The following GALNT2 variants were observed in gnomAD, a reference collection of about 807,000 sequenced individuals.
GALNT2 encodes the protein polypeptide N-acetylgalactosaminyltransferase 2.
GALNT2 carries 31 observed loss-of-function variants against 81.4 expected under a neutral mutation model. That is an observed-to-expected ratio of 0.38 (90% confidence interval 0.29 to 0.51). The LOEUF is 0.51. GALNT2 is among the 20% of genes least tolerant of loss of function. The probability of loss-of-function intolerance (pLI) is 0.87; values close to 1 mark genes in which losing one functional copy is unlikely to be tolerated. For missense variants in GALNT2, 629 were observed against 765.7 expected (o/e 0.82, Z 2.11); for synonymous variants, 303 against 287.4 (o/e 1.05, Z -0.55).
At chr1:230,247,391 C>T (rs1281519252) in intron 8 of GALNT2, among the ~76,000 whole-genome samples, 1 of 152,206 alleles carries the variant, frequency 6.6e-6, no homozygotes, top group African/African-American at 2.4e-5. Flanking sequence ...CTCAGCTTCC[C>T]CCTCTGGGAA....
At chr1:230,258,810 T>C (rs1385822236) in intron 11 of GALNT2, 1 of 152,214 alleles carries the variant, frequency 6.6e-6, no homozygotes, top group East Asian at 1.9e-4. Flanking sequence ...CATGAGATTC[T>C]TTATATAGAC....
intron 12 of GALNT2, 122 bp from the exon 13 acceptor site, chr1:230,262,800 T>C: frequency 7.8e-7 from 1 of 1,283,440 alleles, no homozygotes; most frequent in South Asian, 1.2e-5. Flanking sequence ...CACAGGAGCA[T>C]GGGCAGTCCA....
chr1:230,091,273 AC>A (rs977696474), intron 1 of GALNT2, among the ~76,000 whole-genome samples: 9 of 150,572 alleles, frequency 6.0e-5, no homozygotes, highest in Non-Finnish European at 1.3e-4. Context: ...ACAGGGTTTC[AC>A]CGTGTTGGCC....
At chr1:230,097,139 C>A (rs1418381931) in intron 1 of GALNT2, among the ~76,000 whole-genome samples, 2 of 152,202 alleles carry the variant, frequency 1.3e-5, no homozygotes, top group Non-Finnish European at 2.9e-5. Context: ...TTTAATAAAA[C>A]TGTCAATCCA....
intron 1 of GALNT2, among the ~76,000 whole-genome samples, chr1:230,118,748 A>G (rs563875541): frequency 1.7e-4 from 25 of 150,714 alleles, no homozygotes; most frequent in Non-Finnish European, 3.3e-4. Context: ...TCCGGCCTTC[A>G]TGCCCTGTAA....
At chr1:230,246,779 C>T (rs931103724) in intron 8 of GALNT2, among the ~76,000 whole-genome samples, 2 of 152,098 alleles carry the variant, frequency 1.3e-5, no homozygotes, top group Non-Finnish European at 2.9e-5. Flanking sequence ...ATGTCCTCAC[C>T]GCACCCACCC....
Position 230,243,428 on chromosome 1 carries a change from G to A in GALNT2, c.729+1G>A. The A allele has an allele frequency of 1.2e-6, 2 of 1,610,948 alleles. No individual in the cohort carries two copies. The highest frequency in any genetic ancestry group is 8.5e-7 in the Non-Finnish European group (1 of 1,179,742). On this transcript the variant is annotated splice_donor_variant, in intron 7 of 15. Coordinates refer to ENST00000366672, the MANE Select transcript of GALNT2 (RefSeq NM_004481.5). LOFTEE classifies it high-confidence loss of function. This position sits in a 1 kb window ranked among gnomAD's most constrained non-coding sequence, Gnocchi z 4.2. Reference sequence around the variant, plus strand: ...GCCCCTCCTGGAAAGGGTGGCGGAGGTGAGATGACGGGGGCTGGGAGGGGT... The same window carrying A: ...GCCCCTCCTGGAAAGGGTGGCGGAGATGAGATGACGGGGGCTGGGAGGGGT...
intron 1 of GALNT2, among the ~76,000 whole-genome samples, chr1:230,135,941 C>T (rs10779827): frequency 0.52 from 79,422 of 151,698 alleles, 21,127 homozygotes; most frequent in African/African-American, 0.61. Context: ...GAGCTCCCCA[C>T]CTCCGCCTCC....
At chr1:230,266,264 C>CA (rs1666034902) in intron 14 of GALNT2, among the ~76,000 whole-genome samples, 1 of 152,160 alleles carries the variant, frequency 6.6e-6, no homozygotes, top group Non-Finnish European at 1.5e-5. Flanking sequence ...AAAGGAGAGA[C>CA]AAAATGAAGG....
intron 2 of GALNT2, among the ~76,000 whole-genome samples, chr1:230,202,574 A>G (rs773481979): frequency 5.9e-5 from 9 of 152,210 alleles, no homozygotes; most frequent in Non-Finnish European, 8.8e-5. Context: ...TGAGAGCCAC[A>G]TCCTTCACTT....
rs908414543 is a variant in GALNT2, at chr1:230,281,465, A to C, written c.*2007A>C. The C allele has an allele frequency of 6.6e-6, 1 of 151,982 alleles. No individual in the cohort carries two copies. Among genetic ancestry groups the C allele is most frequent in the Non-Finnish European group, 1.5e-5 (1 of 68,070 alleles). 9.4% of individuals were successfully genotyped at this position (151,982 alleles called of 1,614,324 possible). On this transcript the variant is annotated 3_prime_UTR_variant, in exon 16 of 16. Coordinates refer to ENST00000366672, the MANE Select transcript of GALNT2 (RefSeq NM_004481.5). Reference sequence around the variant, plus strand: ...AGGGTGTGCGTAGCCCCCAGCACCCAGGTTCTTCTGTCAGACCCTGTGACC... The same window carrying C: ...AGGGTGTGCGTAGCCCCCAGCACCCCGGTTCTTCTGTCAGACCCTGTGACC...
intron 1 of GALNT2, among the ~76,000 whole-genome samples, chr1:230,138,398 G>A (rs1267799638): frequency 1.3e-5 from 2 of 152,150 alleles, no homozygotes; most frequent in South Asian, 4.1e-4. Context: ...GGTGGTGCGT[G>A]CCTGTAATCC....
At chr1:230,141,130 C>T (rs1259410248) in intron 1 of GALNT2, among the ~76,000 whole-genome samples, 1 of 152,100 alleles carries the variant, frequency 6.6e-6, no homozygotes, top group African/African-American at 2.4e-5. Context: ...TTGGATCACC[C>T]CACAGGAGAT....
intron 1 of GALNT2, among the ~76,000 whole-genome samples, chr1:230,140,917 G>A (rs1661709973): frequency 6.6e-6 from 1 of 152,234 alleles, no homozygotes; most frequent in African/African-American, 2.4e-5. Flanking sequence ...GTGTGGAAGG[G>A]AAGATACGTA....
intron 1 of GALNT2, among the ~76,000 whole-genome samples, chr1:230,109,933 C>T (rs1019206217): frequency 2.6e-5 from 4 of 152,186 alleles, no homozygotes; most frequent in African/African-American, 9.7e-5. Flanking sequence ...CATTTGACCT[C>T]TTCTGGGACG....
At chr1:230,217,828 T>A (rs1273926433) in intron 3 of GALNT2, among the ~76,000 whole-genome samples, 1 of 152,196 alleles carries the variant, frequency 6.6e-6, no homozygotes, top group African/African-American at 2.4e-5. Flanking sequence ...CTTCATTCCT[T>A]TCACAAAGGA....
At chr1:230,111,890 A>G (rs1421156303) in intron 1 of GALNT2, among the ~76,000 whole-genome samples, 1 of 150,032 alleles carries the variant, frequency 6.7e-6, no homozygotes, top group East Asian at 2.0e-4. Flanking sequence ...CAGGATTCAC[A>G]TACCAGTAGC....
intron 1 of GALNT2, among the ~76,000 whole-genome samples, chr1:230,085,027 C>T (rs770755680): frequency 1.9e-4 from 29 of 152,094 alleles, no homozygotes; most frequent in Non-Finnish European, 2.5e-4. Flanking sequence ...ATTTCATCTC[C>T]GAGAAGTGGA....
intron 2 of GALNT2, among the ~76,000 whole-genome samples, chr1:230,196,836 A>G (rs1024575140): frequency 6.6e-6 from 1 of 152,128 alleles, no homozygotes; most frequent in African/African-American, 2.4e-5. Flanking sequence ...GAAGGTGCCC[A>G]TGGCATGCAC....
Sources: gnomAD v4.1 joint callset for allele counts (sites outside exome capture counted in the v4.1 genomes callset) on GRCh38, gnomAD v4.1.1 for gene constraint, Gnocchi (gnomAD v3.1) non-coding constraint, MANE v1.5 for transcripts, NCBI Gene and HGNC (gene_info 2026-07-23, HGNC 2026-07-21) for gene names.